Variants in SFI1 observed in about 807,000 individuals in gnomAD.
SFI1 encodes the protein protein SFI1 homolog.
SFI1 carries 195 observed loss-of-function variants against 207.5 expected under a neutral mutation model. The ratio of observed to expected loss-of-function variants is 0.94; its 90% CI spans 0.84 to 1.06. The LOEUF is 1.06. Ranked by LOEUF, SFI1 falls within the 50% of genes least tolerant of loss-of-function variation. SFI1 has a pLI of 0.00. For missense variants in SFI1, 1,634 were observed against 1,588.0 expected (o/e 1.03, Z -0.49); for synonymous variants, 630 against 598.9 (o/e 1.05, Z -0.76).
intron 27 of SFI1, chr22:31,614,386 C>T (rs1027775829): frequency 7.8e-6 from 3 of 385,028 alleles, no homozygotes; most frequent in South Asian, 4.1e-5. Flanking sequence ...CAGCACTACC[C>T]GAGAGCCTTG....
chr22:31,544,246 T>G (rs879852085), intron 4 of SFI1, among the ~76,000 whole-genome samples: 1 of 152,084 alleles, frequency 6.6e-6, no homozygotes, highest in Admixed American at 6.6e-5. Context: ...CCTTATTACC[T>G]TTTTCCTGAC....
intron 4 of SFI1, among the ~76,000 whole-genome samples, chr22:31,531,705 C>CG (rs1319866287): frequency 1.3e-5 from 2 of 152,010 alleles, no homozygotes; most frequent in Non-Finnish European, 2.9e-5. Context: ...ACCAGCCTGA[C>CG]CAACATGGAG....
intron 2 of SFI1, among the ~76,000 whole-genome samples, chr22:31,512,649 C>G (rs926480535): frequency 8.6e-5 from 13 of 151,384 alleles, no homozygotes; most frequent in African/African-American, 3.2e-4. Context: ...TCCCAAGTAG[C>G]TGGGATTACA....
intron 2 of SFI1, among the ~76,000 whole-genome samples, chr22:31,509,658 GA>G (rs1455063005): frequency 6.6e-6 from 1 of 152,152 alleles, no homozygotes; most frequent in Non-Finnish European, 1.5e-5. Context: ...GATACACCCA[GA>G]AACAATACTT....
intron 15 of SFI1, among the ~76,000 whole-genome samples, chr22:31,599,073 T>G (rs2067681726): frequency 6.6e-6 from 1 of 151,786 alleles, no homozygotes; most frequent in African/African-American, 2.4e-5. Context: ...ATTACAGGTG[T>G]GAGCCACCGC....
intron 8 of SFI1, among the ~76,000 whole-genome samples, chr22:31,563,251 C>T (rs970989487): frequency 6.6e-6 from 1 of 152,074 alleles, no homozygotes; most frequent in South Asian, 2.1e-4. Flanking sequence ...CCTCAGCCTC[C>T]CAAAGTGCTG....
In SFI1 at chr22:31,498,845, G is replaced by A. The variant is rs186634531; in HGVS notation, c.-31+2208G>A. On this transcript the variant is annotated intron_variant, in intron 1 of 32. Transcript: ENST00000400288. ...ATGATAAAACTTGGATGGATGAGGA[G>A]TGGCTTCTTTTTTTCTTTTTTTTTT... is the stretch of plus-strand genomic sequence containing the variant. 5.5e-5 allele frequency among the ~76,000 whole-genome samples: 8 copies of A among 144,738 alleles called. No individual in the cohort carries two copies. The East Asian group carries it at 1.6e-3, about 29-fold the overall frequency. The allele number at this position is 144,738 out of a possible 152,430, so 95.0% of individuals were successfully genotyped here. A position where few individuals can be genotyped will look rare whatever the true frequency, so the allele number is the denominator to read the frequency against.
intron 10 of SFI1, 32 bp downstream of exon 10, chr22:31,575,424 C>A: frequency 6.4e-7 from 1 of 1,551,654 alleles, no homozygotes; most frequent in Non-Finnish European, 8.7e-7. Flanking sequence ...CTGTCCATTG[C>A]CTCAGCCAGG....
chr22:31,511,464 G>GTTTTCTTTTTT (rs2055507509), intron 2 of SFI1, among the ~76,000 whole-genome samples: 1 of 114,558 alleles, frequency 8.7e-6, no homozygotes, highest in Non-Finnish European at 1.7e-5. Context: ...CATAGTTTCT[G>GTTTTCTTTTTT]TTTTTTTTTT....
chr22:31,568,117 A>G (rs954786876), intron 8 of SFI1, among the ~76,000 whole-genome samples: 17 of 151,332 alleles, frequency 1.1e-4, no homozygotes, highest in Non-Finnish European at 1.8e-4. Context: ...GAAATCTGCA[A>G]TTGGAACTGT....
chr22:31,611,836 A>G lies in SFI1; in HGVS notation c.2486A>G (p.Gln829Arg). ...CGGACCTGCTTCCGCCAGTGGAGACAACAGGTGGGAACCCAGGAGATGTCC... is the reference window on the plus strand; with the variant it reads ...CGGACCTGCTTCCGCCAGTGGAGACGACAGGTGGGAACCCAGGAGATGTCC... ...LSRTCFRQWR[Q>R]QLAARRQEQR... Residue 829 changes from glutamine (Q) to arginine (R), a missense_variant, in exon 24 of 33, where the codon CAA (glutamine) becomes CGA (arginine). By Grantham distance (43) the Gln-to-Arg change is conservative. Coordinates refer to ENST00000400288, the MANE Select transcript of SFI1 (RefSeq NM_001007467.3). 1 of 1,613,910 alleles carries G rather than the reference A, an allele frequency of 6.2e-7. No homozygotes were observed. The highest frequency in any genetic ancestry group is 8.5e-7 in the Non-Finnish European group (1 of 1,179,934).
chr22:31,531,199 A>G (rs2058485110), intron 4 of SFI1, 70 bp downstream of exon 4: 1 of 1,281,410 alleles, frequency 7.8e-7, no homozygotes, highest in Non-Finnish European at 1.1e-6. Context: ...TTAAGCCTGT[A>G]TATAAACTTC....
chr22:31,548,766 G>A (rs867292634), intron 5 of SFI1, among the ~76,000 whole-genome samples: 48 of 151,624 alleles, frequency 3.2e-4, no homozygotes, highest in African/African-American at 1.1e-3. Context: ...CCAAGATCAT[G>A]CCACTGCACT....
intron 12 of SFI1, 107 bp from the exon 13 acceptor site, chr22:31,583,764 CCTAA>C: frequency 5.6e-6 from 5 of 898,996 alleles, no homozygotes; most frequent in Non-Finnish European, 1.8e-6. Context: ...GTTGGCTGCT[CCTAA>C]CTGAGGTCAT....
chr22:31,579,379 T>C (rs2063844097), intron 11 of SFI1, among the ~76,000 whole-genome samples: 1 of 151,522 alleles, frequency 6.6e-6, no homozygotes, highest in Non-Finnish European at 1.5e-5. Flanking sequence ...GCAGTGGTGC[T>C]ATCTTGGCTC....
At chr22:31,561,081 A>G (rs2061660600) in intron 7 of SFI1, among the ~76,000 whole-genome samples, 1 of 152,186 alleles carries the variant, frequency 6.6e-6, no homozygotes, top group Non-Finnish European at 1.5e-5. Context: ...ATCTGACCGT[A>G]GGAACCATAA....
At chr22:31,613,073 AG>A in intron 24 of SFI1, 68 bp from the exon 25 acceptor site, 2 of 1,534,092 alleles carry the variant, frequency 1.3e-6, no homozygotes, top group South Asian at 2.3e-5. Context: ...CGAGCTGGGC[AG>A]GGCCCCGTGA....
intron 12 of SFI1, among the ~76,000 whole-genome samples, chr22:31,582,635 T>G (rs2064485974): frequency 6.6e-6 from 1 of 152,154 alleles, no homozygotes; most frequent in South Asian, 2.1e-4. Flanking sequence ...TTCAGTGACA[T>G]GTACATCCAC....
chr22:31,526,941 C>T (rs902091337), intron 2 of SFI1, among the ~76,000 whole-genome samples: 1 of 152,082 alleles, frequency 6.6e-6, no homozygotes, highest in African/African-American at 2.4e-5. Context: ...TCCTGTCGCC[C>T]AGGCTGGATG....
Sources: allele counts gnomAD v4.1 joint callset (sites outside exome capture counted in the v4.1 genomes callset), GRCh38; gene constraint gnomAD v4.1.1; transcripts MANE v1.5; gene names NCBI Gene and HGNC (gene_info 2026-07-23, HGNC 2026-07-21).